The following SLAIN1 variants were observed in gnomAD, a reference collection of about 807,000 sequenced individuals.
The protein encoded by SLAIN1 is SLAIN motif-containing protein 1.
In SLAIN1, 17 loss-of-function variants were observed where a neutral mutation model predicts 55.4. That is an observed-to-expected ratio of 0.31 (90% CI 0.21 to 0.46). SLAIN1 has a LOEUF of 0.46. Among genes scored for constraint, SLAIN1 ranks in the 20% least tolerant of loss-of-function variants. The pLI is 1.00. For synonymous variants in SLAIN1, 348 were observed against 337.4 expected (o/e 1.03, Z -0.35); for missense variants, 682 against 785.1 (o/e 0.87, Z 1.57).
intron 1 of SLAIN1, among the ~76,000 whole-genome samples, chr13:77,708,153 GA>G (rs2091109117): frequency 6.6e-6 from 1 of 152,194 alleles, no homozygotes. Context: ...CTGTAGAAAT[GA>G]GCACTGCTTT....
At position 77,760,862 on chromosome 13, in the gene SLAIN1, C is replaced by T; in HGVS notation, c.1449C>T (p.His483=). The change falls in exon 6 of 7, where the codon CAC becomes CAT. Residue 483 remains histidine, a synonymous_variant. Coordinates refer to ENST00000418532, the MANE Select transcript of SLAIN1 (RefSeq NM_001242868.2). The part of the protein sequence containing the change: ...PSPGQLQHRV[H]SVGHFPVSIR... Reference sequence around the variant, plus strand: ...CGGGACAGCTTCAACACAGGGTCCACAGCGTGGGGCATTTCCCAGTGTCTA... The same window carrying T: ...CGGGACAGCTTCAACACAGGGTCCATAGCGTGGGGCATTTCCCAGTGTCTA... 1 of 1,614,044 alleles carries T rather than the reference C, an allele frequency of 6.2e-7. No homozygotes were observed. The highest frequency in any genetic ancestry group is 8.5e-7 in the Non-Finnish European group (1 of 1,180,012).
At chr13:77,735,752 A>T (rs1467674068) in intron 2 of SLAIN1, among the ~76,000 whole-genome samples, 1 of 152,130 alleles carries the variant, frequency 6.6e-6, no homozygotes, top group Non-Finnish European at 1.5e-5. Flanking sequence ...CCAGCAAAAT[A>T]TCAGCTGGCC....
intron 1 of SLAIN1, among the ~76,000 whole-genome samples, chr13:77,700,965 A>AT (rs1276064604): frequency 1.3e-5 from 2 of 152,172 alleles, no homozygotes; most frequent in Non-Finnish European, 2.9e-5. Context: ...CTCCTTCAAG[A>AT]TAAAAAAATA....
chr13:77,753,717 C>G (rs1240267258), intron 5 of SLAIN1, among the ~76,000 whole-genome samples: 1 of 152,124 alleles, frequency 6.6e-6, no homozygotes, highest in Non-Finnish European at 1.5e-5. Flanking sequence ...TTTATCCACT[C>G]ATCATACAAA....
intron 1 of SLAIN1, among the ~76,000 whole-genome samples, chr13:77,713,576 G>A (rs1294786808): frequency 1.3e-5 from 2 of 152,180 alleles, no homozygotes; most frequent in African/African-American, 4.8e-5. Context: ...GTTGGTGGGA[G>A]TGTAAATTAG....
chr13:77,702,897 T>G (rs1404562122), intron 1 of SLAIN1, among the ~76,000 whole-genome samples: 3 of 152,190 alleles, frequency 2.0e-5, no homozygotes, highest in Non-Finnish European at 4.4e-5. Context: ...TGTGGAAATA[T>G]TAAACGTATT....
intron 5 of SLAIN1, among the ~76,000 whole-genome samples, chr13:77,759,434 C>T (rs941893923): frequency 4.0e-4 from 61 of 152,010 alleles, no homozygotes; most frequent in African/African-American, 1.4e-3. Flanking sequence ...TCTTTCTCTT[C>T]TATAAGTACT....
At chr13:77,741,048 G>A in intron 2 of SLAIN1, 1 of 492,636 alleles carries the variant, frequency 2.0e-6, no homozygotes, top group East Asian at 1.5e-4. Flanking sequence ...CACAATAACT[G>A]TGTCAATTGT....
chr13:77,757,944 T>C (rs1874724037), intron 5 of SLAIN1, among the ~76,000 whole-genome samples: 1 of 152,180 alleles, frequency 6.6e-6, no homozygotes, highest in South Asian at 2.1e-4. Flanking sequence ...TTTGGGTAGA[T>C]ACCCAGTAGT....
chr13:77,755,552 G>A (rs1175485252), intron 5 of SLAIN1, among the ~76,000 whole-genome samples: 1 of 152,066 alleles, frequency 6.6e-6, no homozygotes, highest in Non-Finnish European at 1.5e-5. Flanking sequence ...ATGTCAAAAG[G>A]ATACAGGAAC....
intron 5 of SLAIN1, 85 bp from the exon 6 acceptor site, chr13:77,760,743 A>T: frequency 7.0e-7 from 1 of 1,435,294 alleles, no homozygotes; most frequent in Non-Finnish European, 9.6e-7. Context: ...TCTCAGGCAT[A>T]ATGGACTCTT....
intron 4 of SLAIN1, 41 bp downstream of exon 4, chr13:77,746,896 T>A: frequency 6.7e-7 from 1 of 1,485,334 alleles, no homozygotes; most frequent in Non-Finnish European, 9.2e-7. Flanking sequence ...TGCTTTAATT[T>A]TTTTATATGT....
chr13:77,754,595 C>G (rs1416529263), intron 5 of SLAIN1, among the ~76,000 whole-genome samples: 1 of 152,166 alleles, frequency 6.6e-6, no homozygotes, highest in East Asian at 1.9e-4. Flanking sequence ...CTTCTTCGTT[C>G]AGTTTACTCC....
Position 77,760,821 on chromosome 13 carries a change from C to T in SLAIN1, c.1415-7C>T. On this transcript the variant is annotated splice_region_variant and splice_polypyrimidine_tract_variant and intron_variant, in intron 5 of 6. Transcript: ENST00000418532. ...GTTGCTCACATGAATATCATTTTCTCTTCTAGTTCCATCACCGGGACAGCT... is the reference window on the plus strand; with the variant it reads ...GTTGCTCACATGAATATCATTTTCTTTTCTAGTTCCATCACCGGGACAGCT... 1 of 1,612,124 alleles carries T rather than the reference C, an allele frequency of 6.2e-7. No homozygotes were observed. Among genetic ancestry groups the T allele is most frequent in the South Asian group, 1.1e-5 (1 of 90,990 alleles).
intron 2 of SLAIN1, among the ~76,000 whole-genome samples, chr13:77,728,728 T>C (rs1019576311): frequency 6.6e-6 from 1 of 152,196 alleles, no homozygotes; most frequent in Admixed American, 6.5e-5. Context: ...CCCTTTCTTT[T>C]GTTAAAATCC....
At chr13:77,707,523 G>A (rs1305273854) in intron 1 of SLAIN1, among the ~76,000 whole-genome samples, 1 of 152,062 alleles carries the variant, frequency 6.6e-6, no homozygotes, top group African/African-American at 2.4e-5. Flanking sequence ...CATATTTGGT[G>A]TCACTGGTTG....
At chr13:77,722,475 T>A (rs1293558669) in intron 2 of SLAIN1, among the ~76,000 whole-genome samples, 1 of 152,200 alleles carries the variant, frequency 6.6e-6, no homozygotes, top group East Asian at 1.9e-4. Context: ...CCAGATATAC[T>A]TAAGAAAAGC....
At chr13:77,712,341 A>T (rs184343078) in intron 1 of SLAIN1, among the ~76,000 whole-genome samples, 67 of 152,244 alleles carry the variant, frequency 4.4e-4, no homozygotes, top group African/African-American at 1.5e-3. Context: ...GCCCAAAATC[A>T]CCTTAAGCTG....
intron 2 of SLAIN1, among the ~76,000 whole-genome samples, chr13:77,722,662 C>T (rs1186985896): frequency 6.6e-6 from 1 of 152,016 alleles, no homozygotes; most frequent in Non-Finnish European, 1.5e-5. Context: ...TCTATGTAAC[C>T]TTTTACTACC....
Sources: gnomAD v4.1 joint callset for allele counts (sites outside exome capture counted in the v4.1 genomes callset) on GRCh38, gnomAD v4.1.1 for gene constraint, MANE v1.5 for transcripts, NCBI Gene and HGNC (gene_info 2026-07-23, HGNC 2026-07-21) for gene names.